The following PARN variants were observed in gnomAD, a reference collection of about 807,000 sequenced individuals.
The protein encoded by PARN is poly(A)-specific ribonuclease.
A neutral mutation model predicts 102.8 loss-of-function variants in PARN; 71 were observed. The observed-to-expected ratio is 0.69, with a 90% CI of 0.57 to 0.84. The LOEUF is 0.84. PARN is among the 40% of genes least tolerant of loss of function. The pLI is 0.00. For missense variants in PARN, 782 were observed against 760.9 expected (o/e 1.03, Z -0.33); for synonymous variants, 261 against 252.9 (o/e 1.03, Z -0.30).
chr16:14,557,567 A>AAT (rs1207235744), intron 18 of PARN, among the ~76,000 whole-genome samples: 1 of 151,176 alleles, frequency 6.6e-6, no homozygotes, highest in African/African-American at 2.4e-5. Context: ...CAAAAAAAAA[A>AAT]AAAAAAAAAA....
intron 21 of PARN, among the ~76,000 whole-genome samples, chr16:14,495,624 A>G (rs1964277065): frequency 6.6e-6 from 1 of 152,190 alleles, no homozygotes; most frequent in Non-Finnish European, 1.5e-5. Context: ...GAACCACGGT[A>G]AGGGTGGTGA....
At chr16:14,476,102 A>C (rs1327136258) in intron 22 of PARN, among the ~76,000 whole-genome samples, 2 of 152,238 alleles carry the variant, frequency 1.3e-5, no homozygotes, top group African/African-American at 4.8e-5. Flanking sequence ...TGAAAGATGC[A>C]TATTATAATC....
At chr16:14,626,829 G>A (rs902652140) in intron 5 of PARN, among the ~76,000 whole-genome samples, 1 of 151,894 alleles carries the variant, frequency 6.6e-6, no homozygotes, top group African/African-American at 2.4e-5. Flanking sequence ...ATGTTAGCCA[G>A]GATGGTCTCG....
At chr16:14,462,844 CA>C (rs1420392479) in intron 22 of PARN, among the ~76,000 whole-genome samples, 2 of 152,058 alleles carry the variant, frequency 1.3e-5, no homozygotes, top group East Asian at 3.9e-4. Context: ...AAGAATCAGA[CA>C]AAATACATGA....
intron 21 of PARN, among the ~76,000 whole-genome samples, chr16:14,500,832 T>C (rs915714212): frequency 6.6e-6 from 1 of 152,136 alleles, no homozygotes; most frequent in Non-Finnish European, 1.5e-5. Flanking sequence ...TCACAGATAG[T>C]ACCCTGTGCC....
chr16:14,597,673 G>T (rs2151775200), intron 12 of PARN, among the ~76,000 whole-genome samples: 1 of 151,934 alleles, frequency 6.6e-6, no homozygotes, highest in Middle Eastern at 3.4e-3. Context: ...CTCCAGCGTG[G>T]GCGACAAAGC....
Position 14,630,130 on chromosome 16 carries a change from CAG to C in PARN, c.-7_-6del, listed in dbSNP as rs755128019. 1.3e-5 allele frequency: 20 copies of C among 1,561,168 alleles called. No homozygotes were observed. The highest frequency in any genetic ancestry group is 1.7e-5 in the Non-Finnish European group (20 of 1,151,832). On this transcript the variant is annotated 5_prime_UTR_variant, in exon 1 of 24. Transcript: ENST00000437198. ...ACTGCTCCTGATTATCTCCATTCTG[CAG>C]AGTGGCCGGAACCTTGGCCCCACCC...
intron 18 of PARN, among the ~76,000 whole-genome samples, chr16:14,573,606 A>G (rs1968939345): frequency 6.6e-6 from 1 of 152,238 alleles, no homozygotes; most frequent in Non-Finnish European, 1.5e-5. Flanking sequence ...CTATGTCCCC[A>G]TCCAAATCTT....
At chr16:14,486,733 G>A (rs556686640) in intron 21 of PARN, among the ~76,000 whole-genome samples, 68 of 152,330 alleles carry the variant, frequency 4.5e-4, no homozygotes, top group Non-Finnish European at 7.3e-4. Flanking sequence ...CCAAGCTCTG[G>A]CTCAAAGCCA....
chr16:14,470,003 A>G (rs1157295731), intron 22 of PARN, among the ~76,000 whole-genome samples: 1 of 152,242 alleles, frequency 6.6e-6, no homozygotes, highest in Admixed American at 6.5e-5. Flanking sequence ...TTACATGAAG[A>G]TAAGTACTCA....
intron 21 of PARN, among the ~76,000 whole-genome samples, chr16:14,512,423 G>A (rs1173569333): frequency 2.6e-5 from 4 of 152,120 alleles, no homozygotes; most frequent in Admixed American, 6.5e-5. Context: ...AGCCTGGGAC[G>A]TGGAGGTTGC....
rs532293942 is a variant in PARN, at chr16:14,441,674, C to T, written c.1865-4902G>A. ...GCACAAATGCGCACTGAGTGCCCTG[C>T]CTCTGCCTCACTGCACAGCAGCCCA... is the stretch of plus-strand genomic sequence containing the variant. On this transcript the variant is annotated intron_variant, in intron 23 of 23. Transcript: ENST00000437198. Among the ~76,000 whole-genome samples the T allele has an allele frequency of 2.0e-5, 3 of 152,360 alleles. No individual in the cohort carries two copies. In the East Asian group the frequency reaches 5.8e-4, roughly 29 times the overall value.
chr16:14,550,233 A>C (rs934392108), intron 21 of PARN, among the ~76,000 whole-genome samples: 1 of 151,682 alleles, frequency 6.6e-6, no homozygotes, highest in African/African-American at 2.4e-5. Flanking sequence ...CTTTCTAAGG[A>C]TAGTGGGGAA....
intron 21 of PARN, among the ~76,000 whole-genome samples, chr16:14,547,417 C>T (rs989949481): frequency 6.6e-6 from 1 of 151,978 alleles, no homozygotes; most frequent in Non-Finnish European, 1.5e-5. Flanking sequence ...TTCAAAATGT[C>T]GAAAATAGCC....
chr16:14,460,901 G>A (rs995997860), intron 22 of PARN, among the ~76,000 whole-genome samples: 4 of 152,212 alleles, frequency 2.6e-5, no homozygotes, highest in African/African-American at 2.4e-5. Flanking sequence ...TCAAACAGCA[G>A]AGTGTGGAAA....
intron 18 of PARN, among the ~76,000 whole-genome samples, chr16:14,563,552 T>C (rs1353815457): frequency 6.6e-6 from 1 of 151,292 alleles, no homozygotes; most frequent in African/African-American, 2.4e-5. Flanking sequence ...CTGGGATACA[T>C]GTGCAGGACA....
chr16:14,463,087 T>C (rs1203717906), intron 22 of PARN, among the ~76,000 whole-genome samples: 1 of 152,138 alleles, frequency 6.6e-6, no homozygotes, highest in Non-Finnish European at 1.5e-5. Flanking sequence ...GGGAACAATA[T>C]ATGGTGCTCA....
In PARN at chr16:14,584,310, CAA is replaced by C. The variant is rs766116353; in HGVS notation, c.1081+35_1081+36del. The C allele has an allele frequency of 7.3e-6, 10 of 1,366,524 alleles. No homozygotes were observed. The African/African-American group carries it at 1.3e-4, about 18-fold the overall frequency. 84.6% of individuals were successfully genotyped at this position (1,366,524 alleles called of 1,614,324 possible). A position where few individuals can be genotyped will look rare whatever the true frequency, so the allele number is the denominator to read the frequency against. ...CTACAATATACATCAATAATTATTA[CAA>C]AGAGTTTGGAGGGTTTCCGGTTTAA... On this transcript the variant is annotated intron_variant, in intron 16 of 23. Transcript: ENST00000437198.
At chr16:14,496,841 A>T (rs1964341038) in intron 21 of PARN, among the ~76,000 whole-genome samples, 1 of 152,188 alleles carries the variant, frequency 6.6e-6, no homozygotes, top group Admixed American at 6.5e-5. Flanking sequence ...CTCTAATCCT[A>T]ATACATTATT....
Sources: allele counts gnomAD v4.1 joint callset (sites outside exome capture counted in the v4.1 genomes callset), GRCh38; gene constraint gnomAD v4.1.1; transcripts MANE v1.5; gene names NCBI Gene and HGNC (gene_info 2026-07-23, HGNC 2026-07-21).